TGM3: variants seen among roughly 807,000 people sequenced by gnomAD.
The protein encoded by TGM3 is transglutaminase 3.
A neutral mutation model predicts 73.8 loss-of-function variants in TGM3; 52 were observed. The ratio of observed to expected loss-of-function variants is 0.70; its 90% confidence interval spans 0.56 to 0.89. The LOEUF is 0.89. Ranked by LOEUF, TGM3 falls within the 40% of genes least tolerant of loss-of-function variation. The probability of loss-of-function intolerance (pLI) is 0.00; values close to 1 mark genes in which losing one functional copy is unlikely to be tolerated. For synonymous variants in TGM3, 372 were observed against 354.9 expected (o/e 1.05, Z -0.54); for missense variants, 928 against 909.9 (o/e 1.02, Z -0.26).
intron 3 of TGM3, 55 bp downstream of exon 3, chr20:2,310,472 G>C: frequency 6.3e-7 from 1 of 1,591,510 alleles, no homozygotes; most frequent in Non-Finnish European, 8.6e-7. Flanking sequence ...AAAAGAAAAA[G>C]GGGATGGGGG....
chr20:2,340,536 G>C lies in TGM3; in HGVS notation c.2037G>C (p.Lys679Asn). The change falls in exon 13 of 13, where the codon AAG becomes AAC. Residue 679 changes from lysine to asparagine, a missense_variant. Lys to Asn is a moderately conservative substitution (Grantham distance 94). Transcript: ENST00000381458. Reference sequence around the variant, plus strand: ...TGCTCGCCGACTTCTCCTGCAACAAGTTCCCTGCAATCAAGGCCATGTTGT... The same window carrying C: ...TGCTCGCCGACTTCTCCTGCAACAACTTCCCTGCAATCAAGGCCATGTTGT... ...KQLLADFSCN[K>N]FPAIKAMLSI... 6.2e-7 allele frequency: 1 copy of C among 1,614,186 alleles called. No individual in the cohort carries two copies. Among genetic ancestry groups the C allele is most frequent in the East Asian group, 2.2e-5 (1 of 44,876 alleles).
rs185060040 is a variant in TGM3 at position 2,300,494 on chromosome 20, T to G, written c.7+4424T>G. ...TAGGGTGTCTAGGCAGGGAGTAGGC[T>G]GTGGATGGCCCCTCCAGGACCTGTG... On this transcript the variant is annotated intron_variant, in intron 1 of 12. Transcript: ENST00000381458. Among the ~76,000 whole-genome samples, 748 of 152,312 alleles carry G rather than the reference T, an allele frequency of 4.9e-3. 1 individual carries two copies. Among genetic ancestry groups the G allele is most frequent in the Non-Finnish European group, 8.6e-3 (584 of 68,020 alleles).
chr20:2,314,166 T>C (rs2084221629), intron 5 of TGM3, among the ~76,000 whole-genome samples: 1 of 152,020 alleles, frequency 6.6e-6, no homozygotes, highest in African/African-American at 2.4e-5. Context: ...TAAGACCCTA[T>C]CTCAAACAAA....
intron 7 of TGM3, among the ~76,000 whole-genome samples, chr20:2,319,894 C>A (rs2084254045): frequency 6.6e-6 from 1 of 152,222 alleles, no homozygotes; most frequent in African/African-American, 2.4e-5. Flanking sequence ...CTCCTGGTCC[C>A]AAGTTTCTTC....
chr20:2,328,396 G>C lies in TGM3; in HGVS notation c.1333+31G>C. On this transcript the variant is annotated intron_variant, in intron 9 of 12. Transcript: ENST00000381458. This position sits in a 1 kb window ranked among gnomAD's most constrained non-coding sequence, Gnocchi z 5.2. ...AGGGACGCTGGCGGGGCAGTGCCGC[G>C]AGAGGTTCTATTGTGGGAGGATGGC... 2 of 1,612,398 alleles carry C rather than the reference G, an allele frequency of 1.2e-6. No individual in the cohort carries two copies. Among genetic ancestry groups the C allele is most frequent in the South Asian group, 1.1e-5 (1 of 90,936 alleles).
rs146355154 is a variant in TGM3 at position 2,317,415 on chromosome 20, C to A, written c.913C>A (p.Arg305=). 3.7e-4 allele frequency: 600 copies of A among 1,614,210 alleles called. 3 individuals carry two copies. The African/African-American group carries it at 5.8e-3, about 16-fold the overall frequency. Residue 305 remains arginine, a synonymous_variant, in exon 7 of 13, where the codon CGA becomes AGA. Coordinates refer to ENST00000381458, the MANE Select transcript of TGM3 (RefSeq NM_003245.4). ...TNFNSAHDTD[R]NLSVDVYYDP... is the part of the protein sequence containing the mutation. The stretch of plus-strand genomic sequence containing the variant: ...CTTCAACTCAGCTCATGACACAGAC[C>A]GAAATCTCAGTGTGGATGTGTACTA...
chr20:2,301,050 G>A (rs1216344821), intron 1 of TGM3, among the ~76,000 whole-genome samples: 5 of 151,916 alleles, frequency 3.3e-5, no homozygotes, highest in African/African-American at 1.2e-4. Flanking sequence ...ACCAATCTGG[G>A]GCTCATTTCT....
rs1000346461 is a variant in TGM3 at position 2,334,912 on chromosome 20, T to C, written c.1643-204T>C. 7.9e-5 allele frequency among the ~76,000 whole-genome samples: 12 copies of C among 152,174 alleles called. No individual in the cohort carries two copies. Among genetic ancestry groups the C allele is most frequent in the Admixed American group, 7.2e-4 (11 of 15,292 alleles). ...GAATCTGCCCAGCCAGAGAGAGTCC[T>C]GGGGCCTCTTTGCCCCCTGCTCTGG... On this transcript the variant is annotated intron_variant, in intron 10 of 12. Coordinates refer to ENST00000381458, the MANE Select transcript of TGM3 (RefSeq NM_003245.4). This position sits in a 1 kb window ranked among gnomAD's most constrained non-coding sequence, Gnocchi z 4.0.
In TGM3 at chr20:2,328,368, A is replaced by G; in HGVS notation, c.1333+3A>G. The G allele has an allele frequency of 1.2e-6, 2 of 1,613,868 alleles. No individual in the cohort carries two copies. Among genetic ancestry groups the G allele is most frequent in the Non-Finnish European group, 1.7e-6 (2 of 1,179,856 alleles). Reference sequence around the variant, plus strand: ...GGACAAGTACAAGTACCCAGAAGGTAGGAGGGACGCTGGCGGGGCAGTGCC... The same window carrying G: ...GGACAAGTACAAGTACCCAGAAGGTGGGAGGGACGCTGGCGGGGCAGTGCC... On this transcript the variant is annotated splice_donor_region_variant and intron_variant, in intron 9 of 12. Transcript: ENST00000381458. The surrounding 1 kb of genome is among the most constrained non-coding windows in gnomAD (Gnocchi z 5.2).
At chr20:2,315,014 AG>A (rs2084225750) in intron 5 of TGM3, among the ~76,000 whole-genome samples, 1 of 152,200 alleles carries the variant, frequency 6.6e-6, no homozygotes, top group South Asian at 2.1e-4. Context: ...AGGTGGGCCC[AG>A]GGAACTTAGT....
At chr20:2,300,381 A>T (rs1436396455) in intron 1 of TGM3, among the ~76,000 whole-genome samples, 4 of 152,182 alleles carry the variant, frequency 2.6e-5, no homozygotes, top group African/African-American at 4.8e-5. Flanking sequence ...TCTTCTGGGC[A>T]GCTGGGGTTG....
Position 2,340,756 on chromosome 20 carries a change from G to GCCCCAA in TGM3, c.*175_*176insCCCCAA. On this transcript the variant is annotated 3_prime_UTR_variant, in exon 13 of 13. Coordinates refer to ENST00000381458, the MANE Select transcript of TGM3 (RefSeq NM_003245.4). ...CCCCCTCTCCTCTCCCCCAGGTTGG[G>GCCCCAA]GCTGGGTCCACCCTGTCCTATGACT... 1.2e-6 allele frequency: 1 copy of GCCCCAA among 857,270 alleles called. No homozygotes were observed. Among genetic ancestry groups the GCCCCAA allele is most frequent in the Non-Finnish European group, 1.9e-6 (1 of 529,544 alleles). 53.1% of individuals were successfully genotyped at this position (857,270 alleles called of 1,614,324 possible). A position where few individuals can be genotyped will look rare whatever the true frequency, so the allele number is the denominator to read the frequency against.
chr20:2,319,139 CT>C (rs2122230446), intron 7 of TGM3, among the ~76,000 whole-genome samples: 1 of 152,304 alleles, frequency 6.6e-6, no homozygotes, highest in African/African-American at 2.4e-5. Flanking sequence ...TTTCTTTGTT[CT>C]TGTGTCCAAA....
In TGM3 at chr20:2,317,053, G is replaced by T. The variant is rs771072378; in HGVS notation, c.670-15G>T. On this transcript the variant is annotated splice_polypyrimidine_tract_variant and intron_variant, in intron 5 of 12. Coordinates refer to ENST00000381458, the MANE Select transcript of TGM3 (RefSeq NM_003245.4). ...ATTAGTGCTGACTCATTTTGGGGGG[G>T]TGGTTTCTGCCCAGATCAATAGCAA... 6 of 1,611,756 alleles carry T rather than the reference G, an allele frequency of 3.7e-6. No homozygotes were observed. The highest frequency in any genetic ancestry group is 2.2e-5 in the East Asian group (1 of 44,840).
At chr20:2,305,629 G>A (rs1041137225) in intron 1 of TGM3, among the ~76,000 whole-genome samples, 2 of 152,174 alleles carry the variant, frequency 1.3e-5, no homozygotes, top group Admixed American at 6.5e-5. Context: ...CCTCCAGCTC[G>A]GAGCAGTCTC....
chr20:2,330,809 C>T (rs1416159519), intron 9 of TGM3, among the ~76,000 whole-genome samples: 4 of 152,022 alleles, frequency 2.6e-5, no homozygotes, highest in African/African-American at 9.6e-5. Context: ...AGTTTGAGAC[C>T]AGCCTGGCCA....
At chr20:2,314,247 G>C (rs564423641) in intron 5 of TGM3, among the ~76,000 whole-genome samples, 80 of 152,160 alleles carry the variant, frequency 5.3e-4, no homozygotes, top group African/African-American at 1.8e-3. Flanking sequence ...GAGGCAGGGG[G>C]ATTACTTGAA....
intron 9 of TGM3, among the ~76,000 whole-genome samples, chr20:2,329,500 A>G (rs1336927370): frequency 6.6e-6 from 1 of 152,162 alleles, no homozygotes; most frequent in Non-Finnish European, 1.5e-5. Flanking sequence ...CTCAGTCAAT[A>G]AACATATTCT....
chr20:2,296,992 C>T (rs1057308515), intron 1 of TGM3, among the ~76,000 whole-genome samples: 9 of 152,214 alleles, frequency 5.9e-5, no homozygotes, highest in South Asian at 2.1e-4. Flanking sequence ...TCAGAAGCCA[C>T]AAAAACTGGG....
Sources: gnomAD v4.1 joint callset for allele counts (sites outside exome capture counted in the v4.1 genomes callset) on GRCh38, gnomAD v4.1.1 for gene constraint, Gnocchi (gnomAD v3.1) non-coding constraint, MANE v1.5 for transcripts, NCBI Gene and HGNC (gene_info 2026-07-23, HGNC 2026-07-21) for gene names.